Variants in FRMPD1 observed in about 807,000 individuals in gnomAD.
FRMPD1 encodes the protein FERM and PDZ domain containing 1.
Under a neutral mutation model 117.8 loss-of-function variants are expected in FRMPD1, and 76 were observed. The ratio of observed to expected loss-of-function variants is 0.65; its 90% CI spans 0.54 to 0.78. The LOEUF is 0.78. FRMPD1 is among the 30% of genes least tolerant of loss of function. The pLI is 0.00. For synonymous variants in FRMPD1, 783 were observed against 770.4 expected (o/e 1.02, Z -0.27); for missense variants, 1,786 against 1,964.5 (o/e 0.91, Z 1.72).
Position 37,745,539 on chromosome 9 carries a change from G to A in FRMPD1, c.3507G>A (p.Gly1169=). 1 of 1,614,070 alleles carries A rather than the reference G, an allele frequency of 6.2e-7. No homozygotes were observed. Among genetic ancestry groups the A allele is most frequent in the Non-Finnish European group, 8.5e-7 (1 of 1,180,004 alleles). The change falls in exon 16 of 16, where the codon GGG becomes GGA. Residue 1169 remains glycine (G), a synonymous_variant. Coordinates refer to ENST00000377765, the MANE Select transcript of FRMPD1 (RefSeq NM_014907.3). ...TSLSLDAPVT[G]TEQIPPHPPR... is the part of the protein sequence containing the mutation. ...TTTCTTTAGATGCTCCTGTAACAGG[G>A]ACCGAGCAGATCCCACCACATCCCC...
chr9:37,745,724 C>T lies in FRMPD1; in HGVS notation c.3692C>T (p.Pro1231Leu). 1 of 1,614,172 alleles carries T rather than the reference C, an allele frequency of 6.2e-7. No individual in the cohort carries two copies. Among genetic ancestry groups the T allele is most frequent in the South Asian group, 1.1e-5 (1 of 91,078 alleles). Residue 1231 changes from proline to leucine, a missense_variant, in exon 16 of 16, where the codon CCT (proline) becomes CTT (leucine). Physicochemically the swap from Pro to Leu is moderately conservative, Grantham distance 98 (BLOSUM62 -3). Transcript: ENST00000377765. The stretch of plus-strand genomic sequence containing the variant: ...CCAGAGGGGATCAAGGCAGAGGCAC[C>T]TAACCATGTGACAGGGCAAGATATA... ...VPPEGIKAEAPNHVTGQDIAP... is the reference protein window; with the variant it reads ...VPPEGIKAEALNHVTGQDIAP...
At chr9:37,640,708 A>G in the FRMPD1 span, among the ~76,000 whole-genome samples, 1 of 152,042 alleles carries the variant, frequency 6.6e-6, no homozygotes. Flanking sequence ...ATCATCCTTT[A>G]TTTTTGAAAA....
At chr9:37,685,416 G>A (rs760568549) in intron 1 of FRMPD1, among the ~76,000 whole-genome samples, 37 of 152,134 alleles carry the variant, frequency 2.4e-4, no homozygotes, top group Non-Finnish European at 4.6e-4. Context: ...GGCCAAGGCG[G>A]GCGGATCACA....
intron 1 of FRMPD1, among the ~76,000 whole-genome samples, chr9:37,657,219 C>T (rs1465507329): frequency 1.3e-5 from 2 of 152,150 alleles, no homozygotes; most frequent in Non-Finnish European, 2.9e-5. Flanking sequence ...GTGTAGGCTA[C>T]AGCTTGTATT....
chr9:37,738,318 T>C (rs1006268383), intron 14 of FRMPD1, among the ~76,000 whole-genome samples: 2 of 146,448 alleles, frequency 1.4e-5, no homozygotes, highest in African/African-American at 4.9e-5. Context: ...AGTGATGAGT[T>C]TGGAGTATCT....
chr9:37,615,407 G>T, the FRMPD1 span, among the ~76,000 whole-genome samples: 1 of 151,998 alleles, frequency 6.6e-6, no homozygotes, highest in African/African-American at 2.4e-5. Context: ...CACTGCACCG[G>T]TCTATAGCAT....
intron 1 of FRMPD1, among the ~76,000 whole-genome samples, chr9:37,656,009 A>G (rs996834187): frequency 6.6e-6 from 1 of 152,158 alleles, no homozygotes; most frequent in Admixed American, 6.5e-5. Flanking sequence ...CTCATGGAGA[A>G]GTCATTACTG....
chr9:37,697,663 T>G (rs1822373090), intron 2 of FRMPD1, among the ~76,000 whole-genome samples: 1 of 152,216 alleles, frequency 6.6e-6, no homozygotes. Flanking sequence ...CAATGCAAAC[T>G]GCTTAATAAA....
At position 37,740,066 on chromosome 9, in the gene FRMPD1, C is replaced by T; in HGVS notation, c.1550-12C>T. The T allele has an allele frequency of 6.4e-7, 1 of 1,566,388 alleles. No individual in the cohort carries two copies. The highest frequency in any genetic ancestry group is 8.7e-7 in the Non-Finnish European group (1 of 1,151,170). On this transcript the variant is annotated splice_polypyrimidine_tract_variant and intron_variant, in intron 14 of 15. Coordinates refer to ENST00000377765, the MANE Select transcript of FRMPD1 (RefSeq NM_014907.3). The surrounding 1 kb of genome is among the most constrained non-coding windows in gnomAD (Gnocchi z 4.2). ...TTCTGTTGTGTAACTGTTGCTGTAC[C>T]CTGTGTTGCAGGCTATGAATCCAGG...
intron 3 of FRMPD1, among the ~76,000 whole-genome samples, chr9:37,707,915 G>C (rs943622594): frequency 9.2e-5 from 14 of 152,222 alleles, no homozygotes; most frequent in African/African-American, 3.4e-4. Context: ...ATACTTTCTG[G>C]TCAGACAGTA....
chr9:37,662,532 G>A (rs1488919446), intron 1 of FRMPD1, among the ~76,000 whole-genome samples: 1 of 152,218 alleles, frequency 6.6e-6, no homozygotes, highest in South Asian at 2.1e-4. Context: ...ATACAGGGCT[G>A]AGGGATCGGA....
At chr9:37,636,607 G>C in the FRMPD1 span, 1 of 1,036,316 alleles carries the variant, frequency 9.6e-7, no homozygotes, top group South Asian at 1.7e-5. Flanking sequence ...CCCCAGGAGA[G>C]GAAGAGGGAG....
At chr9:37,727,605 C>T (rs1325418615) in intron 7 of FRMPD1, among the ~76,000 whole-genome samples, 2 of 152,064 alleles carry the variant, frequency 1.3e-5, no homozygotes, top group East Asian at 3.9e-4. Flanking sequence ...GACAGGCTTT[C>T]CATTGGGGCC....
At chr9:37,691,441 A>G (rs1031528065) in intron 1 of FRMPD1, among the ~76,000 whole-genome samples, 27 of 152,370 alleles carry the variant, frequency 1.8e-4, no homozygotes, top group African/African-American at 5.8e-4. Flanking sequence ...CATAGTCTAT[A>G]GTTCAGTTAA....
At chr9:37,639,131 G>A in the FRMPD1 span, among the ~76,000 whole-genome samples, 17,806 of 152,168 alleles carry the variant, frequency 0.12, 1,124 homozygotes, top group East Asian at 0.17. Context: ...AAATAACCAC[G>A]GTAAGTTACT....
chr9:37,630,295 G>A, the FRMPD1 span, among the ~76,000 whole-genome samples: 1 of 152,178 alleles, frequency 6.6e-6, no homozygotes, highest in Non-Finnish European at 1.5e-5. Context: ...CCAATGAAAT[G>A]TTGGCACTGT....
At chr9:37,649,125 A>T (rs1820592258), upstream of FRMPD1, among the ~76,000 whole-genome samples, 1 of 152,140 alleles carries the variant, frequency 6.6e-6, no homozygotes, top group Non-Finnish European at 1.5e-5. Context: ...GAACATTTGT[A>T]CTCACCGGAC....
intron 2 of FRMPD1, among the ~76,000 whole-genome samples, chr9:37,700,337 G>A (rs565796217): frequency 7.2e-5 from 11 of 152,330 alleles, no homozygotes; most frequent in African/African-American, 2.6e-4. Context: ...TCCTATGATT[G>A]TGATTACATG....
the FRMPD1 span, among the ~76,000 whole-genome samples, chr9:37,621,418 A>G: frequency 6.6e-6 from 1 of 152,160 alleles, no homozygotes; most frequent in Non-Finnish European, 1.5e-5. Flanking sequence ...AATGACTGGA[A>G]GCTTTTGAAG....
Sources: gnomAD v4.1 joint callset for allele counts (sites outside exome capture counted in the v4.1 genomes callset) on GRCh38, gnomAD v4.1.1 for gene constraint, Gnocchi (gnomAD v3.1) non-coding constraint, MANE v1.5 for transcripts, NCBI Gene and HGNC (gene_info 2026-07-23, HGNC 2026-07-21) for gene names.